DOCK4: variants seen among roughly 807,000 people sequenced by gnomAD.
DOCK4 encodes dedicator of cytokinesis protein 4.
A neutral mutation model predicts 268.1 loss-of-function variants in DOCK4; 97 were observed. The observed-to-expected ratio is 0.36, with a 90% CI of 0.31 to 0.43. The LOEUF (loss-of-function observed/expected upper bound fraction) is 0.43. Ranked by LOEUF, DOCK4 falls within the 20% of genes least tolerant of loss-of-function variation. The pLI, the probability that DOCK4 is intolerant of heterozygous loss-of-function variation, is 1.00. For synonymous variants in DOCK4, 954 were observed against 887.2 expected (o/e 1.08, Z -1.34); for missense variants, 2,145 against 2,455.7 (o/e 0.87, Z 2.67).
intron 1 of DOCK4, among the ~76,000 whole-genome samples, chr7:112,202,617 C>G (rs2116890917): frequency 6.6e-6 from 1 of 151,826 alleles, no homozygotes; most frequent in African/African-American, 2.4e-5. Flanking sequence ...GTCAGTAATC[C>G]CAGTTACTCA....
chr7:111,741,096 G>C lies in DOCK4; in HGVS notation c.5038C>G (p.Gln1680Glu), dbSNP rs1563436291. ...SESSDEVFNMQPSPSTSSLSS... is the reference protein window; with the variant it reads ...SESSDEVFNMEPSPSTSSLSS... ...CAGACAAAAAGCTAATTAAGTACCT[G>C]CATGTTAAAGACTTCATCAGAGCTT... is the stretch of plus-strand genomic sequence containing the variant. Residue 1680 changes from glutamine (Q) to glutamate (E), a missense_variant and splice_region_variant, in exon 47 of 53, where the codon CAG (glutamine) becomes GAG (glutamate). Gln to Glu is a conservative substitution (Grantham distance 29, BLOSUM62 2). This residue lies in a region of DOCK4 where 547 missense variants were observed against 469.0 expected (regional missense o/e 1.17). Transcript: ENST00000428084. The C allele has an allele frequency of 6.2e-7, 1 of 1,613,300 alleles. No individual in the cohort carries two copies. The highest frequency in any genetic ancestry group is 8.5e-7 in the Non-Finnish European group (1 of 1,179,762).
chr7:111,954,876 T>C (rs961513920), intron 8 of DOCK4, among the ~76,000 whole-genome samples: 2 of 152,098 alleles, frequency 1.3e-5, no homozygotes, highest in Non-Finnish European at 1.5e-5. Flanking sequence ...ACCAACCTGA[T>C]TGTGTACAAT....
intron 8 of DOCK4, among the ~76,000 whole-genome samples, chr7:111,946,757 C>CT (rs1562924844): frequency 6.6e-6 from 1 of 152,008 alleles, no homozygotes; most frequent in East Asian, 1.9e-4. Context: ...AATTTCTGCA[C>CT]TTTAAGTAGA....
chr7:112,140,500 C>T (rs1000825572), intron 1 of DOCK4, among the ~76,000 whole-genome samples: 1 of 151,506 alleles, frequency 6.6e-6, no homozygotes, highest in Non-Finnish European at 1.5e-5. Context: ...TACTGTTTTT[C>T]ATGGAAACAA....
intron 1 of DOCK4, among the ~76,000 whole-genome samples, chr7:112,142,579 A>G (rs2116291620): frequency 6.6e-6 from 1 of 152,316 alleles, no homozygotes; most frequent in South Asian, 2.1e-4. Flanking sequence ...TAAATTAAAC[A>G]TTTTAGTCCT....
At chr7:111,759,497 G>A (rs550104471) in intron 40 of DOCK4, among the ~76,000 whole-genome samples, 2 of 152,118 alleles carry the variant, frequency 1.3e-5, no homozygotes, top group African/African-American at 4.8e-5. Flanking sequence ...TTGCATTTTG[G>A]TTTCTGCTTT....
intron 44 of DOCK4, among the ~76,000 whole-genome samples, chr7:111,743,674 G>A (rs1321507776): frequency 6.6e-6 from 1 of 152,158 alleles, no homozygotes; most frequent in East Asian, 1.9e-4. Flanking sequence ...ATTTCATAAT[G>A]TTTATCAGGG....
chr7:112,177,866 C>T (rs539667073), intron 1 of DOCK4, among the ~76,000 whole-genome samples: 17 of 152,180 alleles, frequency 1.1e-4, no homozygotes, highest in South Asian at 2.1e-4. Flanking sequence ...TGCAGAAAGG[C>T]TGTTCTTCTT....
chr7:112,110,070 G>A (rs1250788283), intron 1 of DOCK4, among the ~76,000 whole-genome samples: 4 of 152,170 alleles, frequency 2.6e-5, no homozygotes, highest in African/African-American at 7.2e-5. Flanking sequence ...ACACAGCATT[G>A]TATCCATAGC....
Position 112,018,179 on chromosome 7 carries a change from A to AAAAAAAAAAC in DOCK4, c.38-14049_38-14048insGTTTTTTTTT. 5.5e-5 allele frequency among the ~76,000 whole-genome samples: 4 copies of AAAAAAAAAAC among 72,630 alleles called. 1 individual carries two copies. Among genetic ancestry groups the AAAAAAAAAAC allele is most frequent in the African/African-American group, 2.2e-4 (4 of 18,512 alleles). The allele number at this position is 72,630 out of a possible 152,430, so 47.6% of individuals were successfully genotyped here. On this transcript the variant is annotated intron_variant, in intron 1 of 52. Transcript: ENST00000428084. ...AAAAAAAAAAAAAAAAAAAAAAAAA[A>AAAAAAAAAAC]ACACAGGCAACCAGTATTCATGTGG... is the stretch of plus-strand genomic sequence containing the variant.
chr7:111,984,501 C>T, intron 6 of DOCK4, 111 bp from the exon 7 acceptor site: 2 of 819,922 alleles, frequency 2.4e-6, no homozygotes, highest in East Asian at 2.8e-5. Flanking sequence ...ACCCACCATG[C>T]TTCTCTCACC....
In DOCK4 at chr7:112,119,630, T is replaced by G. The variant is rs190650214; in HGVS notation, c.37+86472A>C. ...TCATAAGGAAACAGAACCGGGTGGTTATTAAGTCTGAGTTCTGAAGTCAGA... is the reference window on the plus strand; with the variant it reads ...TCATAAGGAAACAGAACCGGGTGGTGATTAAGTCTGAGTTCTGAAGTCAGA... On this transcript the variant is annotated intron_variant, in intron 1 of 52. Transcript: ENST00000428084. Among the ~76,000 whole-genome samples, 4 of 152,196 alleles carry G rather than the reference T, an allele frequency of 2.6e-5. No individual in the cohort carries two copies. In the East Asian group the frequency reaches 7.7e-4, roughly 29 times the overall value.
At chr7:112,050,343 G>T (rs1188791310) in intron 1 of DOCK4, among the ~76,000 whole-genome samples, 1 of 152,038 alleles carries the variant, frequency 6.6e-6, no homozygotes, top group South Asian at 2.1e-4. Context: ...CAATGTTAAG[G>T]TCACTGGATT....
intron 26 of DOCK4, among the ~76,000 whole-genome samples, chr7:111,827,706 A>G (rs1384679916): frequency 6.6e-6 from 1 of 152,216 alleles, no homozygotes; most frequent in Non-Finnish European, 1.5e-5. Flanking sequence ...TTGGTTTTTA[A>G]GGAATATAAC....
intron 1 of DOCK4, among the ~76,000 whole-genome samples, chr7:112,178,876 G>C (rs1818750624): frequency 6.6e-6 from 1 of 152,092 alleles, no homozygotes; most frequent in Non-Finnish European, 1.5e-5. Context: ...CAAATCAGAA[G>C]GTTTTGTACG....
At chr7:111,936,826 T>C (rs2134730519) in intron 11 of DOCK4, among the ~76,000 whole-genome samples, 1 of 152,350 alleles carries the variant, frequency 6.6e-6, no homozygotes, top group African/African-American at 2.4e-5. Context: ...ATTTATTTTA[T>C]TGCCACAGGA....
intron 1 of DOCK4, among the ~76,000 whole-genome samples, chr7:112,202,943 C>T (rs966991391): frequency 6.6e-6 from 1 of 152,112 alleles, no homozygotes; most frequent in Non-Finnish European, 1.5e-5. Context: ...TGCCAGGTAG[C>T]GTTTGCTTAC....
chr7:111,893,100 A>T (rs985468207), intron 16 of DOCK4, among the ~76,000 whole-genome samples: 5 of 152,188 alleles, frequency 3.3e-5, no homozygotes, highest in African/African-American at 9.7e-5. Context: ...TACTAAGTCA[A>T]TCTTTGTGGA....
chr7:111,961,338 T>C (rs1034444899), intron 8 of DOCK4, among the ~76,000 whole-genome samples: 5 of 152,224 alleles, frequency 3.3e-5, no homozygotes, highest in Admixed American at 6.5e-5. Flanking sequence ...CCTTCTGCCG[T>C]TGCTTCAGGA....
Sources: allele counts gnomAD v4.1 joint callset (sites outside exome capture counted in the v4.1 genomes callset), GRCh38; gene constraint gnomAD v4.1.1; regional missense constraint gnomAD v4.1.1; transcripts MANE v1.5; gene names NCBI Gene and HGNC (gene_info 2026-07-23, HGNC 2026-07-21).